Variants in GFM1 observed in about 807,000 individuals in gnomAD.
The protein encoded by GFM1 is G elongation factor mitochondrial 1.
A neutral mutation model predicts 96.2 loss-of-function variants in GFM1; 62 were observed. The ratio of observed to expected loss-of-function variants is 0.64; its 90% CI spans 0.53 to 0.80. The LOEUF is 0.80. Ranked by LOEUF, GFM1 falls within the 30% of genes least tolerant of loss-of-function variation. GFM1 has a pLI of 0.00. For synonymous variants in GFM1, 282 were observed against 312.9 expected, an observed-to-expected ratio of 0.90 and a Z score of 1.04; for missense variants, 852 against 916.6, an observed-to-expected ratio of 0.93 and a Z score of 0.91.
chr3:158,645,344 CCA>C (rs1425224839), intron 1 of GFM1, among the ~76,000 whole-genome samples: 1 of 151,952 alleles, frequency 6.6e-6, no homozygotes, highest in Non-Finnish European at 1.5e-5. Context: ...TTTATCTGCC[CCA>C]GTGTGTATTT....
At position 158,658,351 on chromosome 3, in the gene GFM1, G is replaced by A. The variant is rs542403922; in HGVS notation, c.1084-571G>A. Among the ~76,000 whole-genome samples the A allele has an allele frequency of 2.6e-5, 4 of 152,038 alleles. No homozygotes were observed. The South Asian group carries it at 8.3e-4, about 32-fold the overall frequency. ...GGCTGATTTTTGTATTTTTAGTAGA[G>A]GTGGGGTTTTGCCATGTTGGCCAGG... On this transcript the variant is annotated intron_variant, in intron 8 of 17. Coordinates refer to ENST00000486715, the MANE Select transcript of GFM1 (RefSeq NM_024996.7).
At chr3:158,671,603 C>A (rs1181708546) in intron 13 of GFM1, among the ~76,000 whole-genome samples, 1 of 152,290 alleles carries the variant, frequency 6.6e-6, no homozygotes, top group East Asian at 1.9e-4. Flanking sequence ...ATTCTGTTAT[C>A]TGGTACAGTT....
intron 5 of GFM1, chr3:158,649,838 A>G: frequency 1.7e-6 from 1 of 597,396 alleles, no homozygotes; most frequent in Non-Finnish European, 3.0e-6. Flanking sequence ...TGATCAGTAG[A>G]TTGGGGTGGG....
rs1210101284 is a variant in GFM1, at chr3:158,658,963, G to C, written c.1125G>C (p.Gln375His). Residue 375 changes from glutamine (Q) to histidine (H), a missense_variant, in exon 9 of 18, where the codon CAG becomes CAC. By Grantham distance (24) the Gln-to-His change is conservative (BLOSUM62 0). Transcript: ENST00000486715. ...AATTAACTTATGTTCGCAGTTATCA[G>C]GGAGAGCTAAAGAAGGGTGACACCA... Reference protein sequence around the residue: ...FGQLTYVRSYQGELKKGDTIY... With the variant: ...FGQLTYVRSYHGELKKGDTIY... 3.1e-6 allele frequency: 5 copies of C among 1,614,160 alleles called. No individual in the cohort carries two copies. The highest frequency in any genetic ancestry group is 1.7e-6 in the Non-Finnish European group (2 of 1,180,022).
At chr3:158,678,128 G>T (rs1312033503) in intron 13 of GFM1, among the ~76,000 whole-genome samples, 1 of 152,178 alleles carries the variant, frequency 6.6e-6, no homozygotes, top group East Asian at 1.9e-4. Context: ...AGAAAAAAAT[G>T]ATTCTTTCAA....
chr3:158,649,397 T>C (rs1560128833), intron 5 of GFM1: 2 of 367,924 alleles, frequency 5.4e-6, no homozygotes, highest in Non-Finnish European at 1.0e-5. Flanking sequence ...ATGGCATGCA[T>C]GGTGTGGTAG....
intron 13 of GFM1, among the ~76,000 whole-genome samples, chr3:158,679,869 A>G (rs1725215109): frequency 6.6e-6 from 1 of 152,228 alleles, no homozygotes; most frequent in African/African-American, 2.4e-5. Context: ...AGCTTCCTCA[A>G]GTCACCATTT....
intron 13 of GFM1, among the ~76,000 whole-genome samples, chr3:158,678,234 A>G (rs1725067754): frequency 1.3e-5 from 2 of 152,248 alleles, no homozygotes; most frequent in Admixed American, 6.5e-5. Context: ...CCAATACAAC[A>G]TTCATTCTGC....
chr3:158,644,776 G>A, intron 1 of GFM1, 61 bp downstream of exon 1: 2 of 1,394,080 alleles, frequency 1.4e-6, no homozygotes, highest in African/African-American at 1.4e-5. Flanking sequence ...TCCCTTCTGG[G>A]CAATGGAAGG....
Position 158,649,121 on chromosome 3 carries a change from T to C in GFM1, c.653T>C (p.Ile218Thr), listed in dbSNP as rs1260125613. ...AATTTTAAAGGTATTGTAGATCTTA[T>C]TGAGGAACGAGCCATCTATTTTGAT... ...EGNFKGIVDL[I>T]EERAIYFDGD... The change falls in exon 5 of 18, where the codon ATT (isoleucine) becomes ACT (threonine). Residue 218 changes from isoleucine (I) to threonine (T), a missense_variant. Transcript: ENST00000486715. 8 of 1,518,068 alleles carry C rather than the reference T, an allele frequency of 5.3e-6. No homozygotes were observed. The highest frequency in any genetic ancestry group is 2.2e-5 in the East Asian group (1 of 44,452). 94.0% of individuals were successfully genotyped at this position (1,518,068 alleles called of 1,614,324 possible). A position where few individuals can be genotyped will look rare whatever the true frequency, so the allele number is the denominator to read the frequency against.
Position 158,652,173 on chromosome 3 carries a change from G to C in GFM1, c.767G>C (p.Cys256Ser). 1 of 1,613,924 alleles carries C rather than the reference G, an allele frequency of 6.2e-7. No homozygotes were observed. The highest frequency in any genetic ancestry group is 1.1e-5 in the South Asian group (1 of 91,074). ...ATDHRQELIE[C>S]VANSDEQLGE... ...GACCACCGGCAGGAGCTAATTGAAT[G>C]TGTTGCCAATTCAGATGAACAGCTT... The change falls in exon 6 of 18, where the codon TGT (cysteine) becomes TCT (serine). Residue 256 changes from cysteine (C) to serine (S), a missense_variant. Physicochemically the swap from Cys to Ser is moderately radical, Grantham distance 112 (BLOSUM62 -1). Coordinates refer to ENST00000486715, the MANE Select transcript of GFM1 (RefSeq NM_024996.7).
rs560227828 is a variant in GFM1, at chr3:158,644,575, G to A, written c.-60G>A. The A allele has an allele frequency of 4.9e-6, 7 of 1,420,306 alleles. No homozygotes were observed. In the South Asian group the frequency reaches 7.4e-5, roughly 15 times the overall value. 88.0% of individuals were successfully genotyped at this position (1,420,306 alleles called of 1,614,324 possible). ...CGTGACTTTGACCGCTTCCCGGTGC[G>A]TTACCGGCAGCTGAACCCACCCGGC... On this transcript the variant is annotated 5_prime_UTR_variant, in exon 1 of 18. Coordinates refer to ENST00000486715, the MANE Select transcript of GFM1 (RefSeq NM_024996.7).
intron 8 of GFM1, among the ~76,000 whole-genome samples, chr3:158,655,052 T>C (rs564820858): frequency 1.3e-5 from 2 of 152,322 alleles, no homozygotes; most frequent in African/African-American, 4.8e-5. Flanking sequence ...CTGTTATAAA[T>C]AACATTGGGT....
At chr3:158,647,016 GATTA>G (rs2108004166) in intron 4 of GFM1, 69 bp downstream of exon 4, 1 of 1,207,754 alleles carries the variant, frequency 8.3e-7, no homozygotes, top group East Asian at 2.3e-5. Flanking sequence ...CCAAAAGGGT[GATTA>G]ATTCACTGTC....
intron 8 of GFM1, among the ~76,000 whole-genome samples, chr3:158,654,859 A>T (rs1314703602): frequency 6.6e-6 from 1 of 152,198 alleles, no homozygotes; most frequent in Admixed American, 6.5e-5. Context: ...TTTTACCTAA[A>T]TCATACTACC....
Position 158,691,587 on chromosome 3 carries a change from C to A in GFM1, c.*120C>A. The A allele has an allele frequency of 9.1e-7, 1 of 1,095,174 alleles. No individual in the cohort carries two copies. The highest frequency in any genetic ancestry group is 1.4e-6 in the Non-Finnish European group (1 of 729,630). 67.8% of individuals were successfully genotyped at this position (1,095,174 alleles called of 1,614,324 possible). ...AGAAATTCTGAGCCCAGGAAGCGGGCTCTTCTTTCTTCAAAAGAAGCCCTT... is the reference window on the plus strand; with the variant it reads ...AGAAATTCTGAGCCCAGGAAGCGGGATCTTCTTTCTTCAAAAGAAGCCCTT... On this transcript the variant is annotated 3_prime_UTR_variant, in exon 18 of 18. Coordinates refer to ENST00000486715, the MANE Select transcript of GFM1 (RefSeq NM_024996.7).
intron 13 of GFM1, chr3:158,666,692 T>G: frequency 1.2e-6 from 2 of 1,614,076 alleles, no homozygotes; most frequent in South Asian, 2.2e-5. Flanking sequence ...ATGTTTTACT[T>G]TAGTGCCGTA....
At chr3:158,675,497 T>C (rs950259049) in intron 13 of GFM1, among the ~76,000 whole-genome samples, 2 of 152,042 alleles carry the variant, frequency 1.3e-5, no homozygotes, top group Admixed American at 1.3e-4. Context: ...TACATAATGA[T>C]AAAATATTCC....
At chr3:158,674,034 G>A (rs1325848886) in intron 13 of GFM1, among the ~76,000 whole-genome samples, 1 of 150,472 alleles carries the variant, frequency 6.6e-6, no homozygotes, top group Non-Finnish European at 1.5e-5. Flanking sequence ...AGTCTTGTCC[G>A]TGTATGAGAA....
Sources: allele counts gnomAD v4.1 joint callset (sites outside exome capture counted in the v4.1 genomes callset), GRCh38; gene constraint gnomAD v4.1.1; transcripts MANE v1.5; gene names NCBI Gene and HGNC (gene_info 2026-07-23, HGNC 2026-07-21).